BCL2L11: variants seen among roughly 807,000 people sequenced by gnomAD.
The protein encoded by BCL2L11 is bcl-2-like protein 11.
In BCL2L11, 15 loss-of-function variants were observed where a neutral mutation model predicts 20.6. The ratio of observed to expected loss-of-function variants is 0.73; its 90% CI spans 0.49 to 1.12. The LOEUF (loss-of-function observed/expected upper bound fraction) is 1.12. Among genes scored for constraint, BCL2L11 ranks in the 50% most tolerant of loss-of-function variants. The probability of loss-of-function intolerance (pLI) is 0.00; values close to 1 mark genes in which losing one functional copy is unlikely to be tolerated. For synonymous variants in BCL2L11, 108 were observed against 92.8 expected (o/e 1.16, Z -0.94); for missense variants, 292 against 260.9 (o/e 1.12, Z -0.82).
intron 1 of BCL2L11, chr2:111,122,956 G>A (rs2071480695): frequency 1.0e-6 from 1 of 985,480 alleles, no homozygotes; most frequent in Non-Finnish European, 1.2e-6. Context: ...TCTGAGGGGA[G>A]GGTCTGTGGG....
At chr2:111,122,707 G>T (rs4302219) in intron 1 of BCL2L11, 456,066 of 983,970 alleles carry the variant, frequency 0.46, 107,378 homozygotes, top group Non-Finnish European at 0.48. Flanking sequence ...GCGGCGTGCG[G>T]AGCCCTCGGC....
chr2:111,140,919 T>G (rs931877421), intron 2 of BCL2L11, among the ~76,000 whole-genome samples: 2 of 152,234 alleles, frequency 1.3e-5, no homozygotes, highest in Non-Finnish European at 2.9e-5. Flanking sequence ...AGGGTGCTCA[T>G]TTGAAGCTTA....
intron 2 of BCL2L11, among the ~76,000 whole-genome samples, chr2:111,147,325 G>A (rs965687845): frequency 2.2e-4 from 19 of 84,810 alleles, no homozygotes; most frequent in Non-Finnish European, 4.3e-4. Context: ...ACAGCCTCCT[G>A]TATCTCTCTC....
intron 2 of BCL2L11, among the ~76,000 whole-genome samples, chr2:111,134,449 T>C (rs892619144): frequency 1.3e-5 from 2 of 152,198 alleles, no homozygotes; most frequent in Admixed American, 6.5e-5. Flanking sequence ...TACTTTTCTT[T>C]AGGCTCCGTT....
At chr2:111,124,172 T>C (rs1319468173) in intron 2 of BCL2L11, 33 bp downstream of exon 2, 1 of 1,559,732 alleles carries the variant, frequency 6.4e-7, no homozygotes, top group Non-Finnish European at 8.7e-7. Context: ...GCAGTTGACG[T>C]GTGGATGGTT....
At chr2:111,139,134 A>G (rs895968637) in intron 2 of BCL2L11, among the ~76,000 whole-genome samples, 2 of 152,176 alleles carry the variant, frequency 1.3e-5, no homozygotes, top group African/African-American at 4.8e-5. Flanking sequence ...AAAAAAGAAC[A>G]TCTTTTCTAG....
rs770871307 is a variant in BCL2L11, at chr2:111,142,400, T to G, written c.395-7644T>G. 14 of 1,548,606 alleles carry G rather than the reference T, an allele frequency of 9.0e-6. No homozygotes were observed. The South Asian group carries it at 1.5e-4, about 17-fold the overall frequency. On this transcript the variant is annotated intron_variant, in intron 2 of 3. Coordinates refer to ENST00000393256, the MANE Select transcript of BCL2L11 (RefSeq NM_138621.5). ...TGGTTAGCAAAATCAAGGTGAAAAG[T>G]TTTTCTTTTTATTCAAAATGGGATA...
chr2:111,122,805 C>T (rs2071418823), intron 1 of BCL2L11: 4 of 985,202 alleles, frequency 4.1e-6, no homozygotes, highest in Non-Finnish European at 4.8e-6. Context: ...CGGGCTTTGT[C>T]TCCTGCGCTG....
At chr2:111,156,505 T>G (rs1480311387) in intron 3 of BCL2L11, among the ~76,000 whole-genome samples, 1 of 152,196 alleles carries the variant, frequency 6.6e-6, no homozygotes, top group Admixed American at 6.5e-5. Context: ...TTTCCTGTCT[T>G]AGACTACCCC....
chr2:111,135,680 G>A (rs145252789), intron 2 of BCL2L11, among the ~76,000 whole-genome samples: 1,634 of 152,318 alleles, frequency 0.011, 36 homozygotes, highest in African/African-American at 0.037. Flanking sequence ...CCCACTGGGT[G>A]CCCAGACACC....
At chr2:111,151,726 G>T in intron 3 of BCL2L11, 1 of 978,408 alleles carries the variant, frequency 1.0e-6, no homozygotes, top group Non-Finnish European at 1.6e-6. Flanking sequence ...CCTTTCTGTG[G>T]GGGTGTTTGA....
At chr2:111,125,314 C>T (rs546826948) in intron 2 of BCL2L11, among the ~76,000 whole-genome samples, 3 of 152,156 alleles carry the variant, frequency 2.0e-5, no homozygotes, top group Non-Finnish European at 2.9e-5. Context: ...TTTGGGTAAC[C>T]TTGGTGAGGG....
chr2:111,129,622 C>T (rs1340684089), intron 2 of BCL2L11, among the ~76,000 whole-genome samples: 1 of 152,218 alleles, frequency 6.6e-6, no homozygotes, highest in Non-Finnish European at 1.5e-5. Flanking sequence ...TCATCAGTTT[C>T]ACATGCAGTC....
intron 1 of BCL2L11, 145 bp from the exon 2 acceptor site, chr2:111,123,588 T>C: frequency 8.2e-7 from 1 of 1,226,234 alleles, no homozygotes; most frequent in Non-Finnish European, 1.0e-6. Flanking sequence ...TGCAATTTTT[T>C]TATTTGGGAG....
At chr2:111,122,021 G>A (rs1399749942) in intron 1 of BCL2L11, among the ~76,000 whole-genome samples, 1 of 152,242 alleles carries the variant, frequency 6.6e-6, no homozygotes, top group East Asian at 1.9e-4. Flanking sequence ...GGTTGGCGCT[G>A]CTGGTGGAGG....
intron 2 of BCL2L11, among the ~76,000 whole-genome samples, chr2:111,136,554 G>A (rs976573040): frequency 6.6e-6 from 1 of 152,196 alleles, no homozygotes; most frequent in African/African-American, 2.4e-5. Context: ...CTGAGACTGG[G>A]TGGCTTACAA....
At chr2:111,155,579 C>G (rs1363884262) in intron 3 of BCL2L11, among the ~76,000 whole-genome samples, 1 of 152,170 alleles carries the variant, frequency 6.6e-6, no homozygotes, top group Non-Finnish European at 1.5e-5. Context: ...CCCTCCATAA[C>G]CCCTAATACT....
intron 2 of BCL2L11, among the ~76,000 whole-genome samples, chr2:111,127,456 T>C (rs2072911599): frequency 7.0e-6 from 1 of 143,878 alleles, no homozygotes; most frequent in African/African-American, 2.7e-5. Context: ...GTCTTGTGGG[T>C]ACTTCTCTTA....
At chr2:111,129,532 TG>T (rs2073452284) in intron 2 of BCL2L11, among the ~76,000 whole-genome samples, 1 of 152,242 alleles carries the variant, frequency 6.6e-6, no homozygotes, top group Non-Finnish European at 1.5e-5. Flanking sequence ...TTTCCTACGA[TG>T]GTAACATCTT....
Sources: gnomAD v4.1 joint callset for allele counts (sites outside exome capture counted in the v4.1 genomes callset) on GRCh38, gnomAD v4.1.1 for gene constraint, MANE v1.5 for transcripts, NCBI Gene and HGNC (gene_info 2026-07-23, HGNC 2026-07-21) for gene names.